The following KIAA0753 variants were observed in gnomAD, a reference collection of about 807,000 sequenced individuals.
The protein encoded by KIAA0753 is KIAA0753.
A neutral mutation model predicts 116.9 loss-of-function variants in KIAA0753; 114 were observed. The ratio of observed to expected loss-of-function variants is 0.98; its 90% confidence interval spans 0.84 to 1.14. KIAA0753 has a LOEUF of 1.14. Among genes scored for constraint, KIAA0753 ranks in the 50% most tolerant of loss-of-function variants. The pLI is 0.00. For synonymous variants in KIAA0753, 405 were observed against 413.1 expected (o/e 0.98, Z 0.24); for missense variants, 1,156 against 1,172.4 (o/e 0.99, Z 0.20).
intron 18 of KIAA0753, among the ~76,000 whole-genome samples, chr17:6,585,382 T>C (rs1305730921): frequency 6.6e-6 from 1 of 152,204 alleles, no homozygotes; most frequent in Non-Finnish European, 1.5e-5. Context: ...CACTCACAAG[T>C]AGACAACTGA....
intron 18 of KIAA0753, among the ~76,000 whole-genome samples, chr17:6,580,704 G>C (rs1038107283): frequency 7.9e-5 from 12 of 152,166 alleles, no homozygotes; most frequent in African/African-American, 2.7e-4. Flanking sequence ...AGTCCTGCTA[G>C]AGGGACAGGC....
At chr17:6,636,350 G>C (rs938029546) in intron 1 of KIAA0753, 4 of 152,104 alleles carry the variant, frequency 2.6e-5, no homozygotes, top group Admixed American at 1.3e-4. Flanking sequence ...CAGAATGAAG[G>C]CTGCAGAAAT....
intron 17 of KIAA0753, 129 bp from the exon 18 acceptor site, chr17:6,590,132 G>C (rs990735365): frequency 5.2e-6 from 4 of 767,662 alleles, no homozygotes; most frequent in Non-Finnish European, 8.2e-6. Context: ...GAACAAAACT[G>C]AACAACCTAA....
At chr17:6,584,521 A>C (rs1218423358) in intron 18 of KIAA0753, among the ~76,000 whole-genome samples, 1 of 152,190 alleles carries the variant, frequency 6.6e-6, no homozygotes, top group Non-Finnish European at 1.5e-5. Flanking sequence ...CTTCTGCTAC[A>C]TTCCAACACA....
rs748738945 is a variant in KIAA0753, at chr17:6,622,956, A to T, written c.1030T>A (p.Ser344Thr). ...GCATCCAGCTTGACAGAACAAAGTGAAAGCTGGCGAATAAGGCTGCCCAGT... is the reference window on the plus strand; with the variant it reads ...GCATCCAGCTTGACAGAACAAAGTGTAAGCTGGCGAATAAGGCTGCCCAGT... ...KELGSLIRQLSLCSVKLDADP... is the reference protein window; with the variant it reads ...KELGSLIRQLTLCSVKLDADP... The change falls in exon 6 of 19, where the codon TCA becomes ACA. Residue 344 changes from serine (S) to threonine (T), a missense_variant. Physicochemically the swap from Ser to Thr is moderately conservative, Grantham distance 58. Transcript: ENST00000361413. 6.2e-7 allele frequency: 1 copy of T among 1,614,208 alleles called. No homozygotes were observed. Among genetic ancestry groups the T allele is most frequent in the Admixed American group, 1.7e-5 (1 of 60,032 alleles).
chr17:6,582,783 C>T (rs1189671898), intron 18 of KIAA0753, among the ~76,000 whole-genome samples: 3 of 152,206 alleles, frequency 2.0e-5, no homozygotes, highest in Non-Finnish European at 4.4e-5. Flanking sequence ...CCCTGGATTA[C>T]AACAAGTATC....
chr17:6,610,966 T>C (rs1970502292), intron 8 of KIAA0753, among the ~76,000 whole-genome samples: 1 of 152,176 alleles, frequency 6.6e-6, no homozygotes, highest in African/African-American at 2.4e-5. Flanking sequence ...ACAGACTTGA[T>C]CCTAATCCAT....
In KIAA0753 at chr17:6,612,100, C is replaced by T. The variant is rs2150840244; in HGVS notation, c.1364G>A (p.Ser455Asn). The T allele has an allele frequency of 1.2e-6, 2 of 1,614,190 alleles. No individual in the cohort carries two copies. The highest frequency in any genetic ancestry group is 1.3e-5 in the African/African-American group (1 of 75,074). ...ATCCGCATCTAATACATCAAGCTCA[C>T]TCTGCAACCTCTGGGTCTCCGGAAG... ...TELPETQRLQSELDVLDADIV... is the reference protein window; with the variant it reads ...TELPETQRLQNELDVLDADIV... Residue 455 changes from serine to asparagine, a missense_variant, in exon 8 of 19, where the codon AGT (serine) becomes AAT (asparagine). By Grantham distance (46) the Ser-to-Asn change is conservative. Coordinates refer to ENST00000361413, the MANE Select transcript of KIAA0753 (RefSeq NM_014804.3).
Position 6,589,836 on chromosome 17 carries a change from A to T in KIAA0753, c.2729T>A (p.Leu910His). ...TACAGCCTCATGAGATATGATCCGA[A>T]GGTACTGCTCAAAACGACTACAGTA... ...GDYCSRFEQY[L>H]RIISHEAVGS... The change falls in exon 18 of 19, where the codon CTT (leucine) becomes CAT (histidine). Residue 910 changes from leucine to histidine, a missense_variant. By Grantham distance (99) the Leu-to-His change is moderately conservative. Transcript: ENST00000361413. The T allele has an allele frequency of 6.2e-7, 1 of 1,614,064 alleles. No individual in the cohort carries two copies. The highest frequency in any genetic ancestry group is 8.5e-7 in the Non-Finnish European group (1 of 1,179,966).
At chr17:6,580,109 C>T (rs1367054817) in intron 18 of KIAA0753, among the ~76,000 whole-genome samples, 1 of 151,798 alleles carries the variant, frequency 6.6e-6, no homozygotes, top group African/African-American at 2.4e-5. Flanking sequence ...TCGCTTGAAC[C>T]TGGGAGGTGG....
chr17:6,607,734 C>T (rs1160227594), intron 10 of KIAA0753, among the ~76,000 whole-genome samples: 2 of 152,188 alleles, frequency 1.3e-5, no homozygotes, highest in Non-Finnish European at 2.9e-5. Flanking sequence ...TAATGGACCG[C>T]TTTCATTTTT....
chr17:6,612,141 A>C lies in KIAA0753; in HGVS notation c.1323T>G (p.Tyr441Ter). 1 of 1,600,962 alleles carries C rather than the reference A, an allele frequency of 6.2e-7. No individual in the cohort carries two copies. Among genetic ancestry groups the C allele is most frequent in the Non-Finnish European group, 8.5e-7 (1 of 1,175,532 alleles). ...SVAKQLLADK[Y>*]QPDTELPETQ... is the part of the protein sequence containing the mutation. ...TCTCCGGAAGCTCCGTATCGGGCTG[A>C]TACTTATCTACATGGAAATTTTTGA... Residue 441 changes from tyrosine to a stop codon, truncating the protein, a stop_gained, in exon 8 of 19, where the codon TAT becomes TAG. Transcript: ENST00000361413. LOFTEE classifies it high-confidence loss of function.
chr17:6,631,128 GA>G (rs926192142), intron 2 of KIAA0753, among the ~76,000 whole-genome samples: 9 of 150,940 alleles, frequency 6.0e-5, no homozygotes, highest in African/African-American at 1.9e-4. Flanking sequence ...GGAAAGGAAG[GA>G]AAAAAAAATC....
chr17:6,587,303 T>C (rs1968651552), intron 18 of KIAA0753, among the ~76,000 whole-genome samples: 1 of 152,134 alleles, frequency 6.6e-6, no homozygotes, highest in East Asian at 1.9e-4. Context: ...TCATATGCAC[T>C]GTCACTTGGG....
At chr17:6,597,730 G>A (rs1440743388) in intron 14 of KIAA0753, among the ~76,000 whole-genome samples, 2 of 152,186 alleles carry the variant, frequency 1.3e-5, no homozygotes, top group Non-Finnish European at 2.9e-5. Context: ...TGATATGAGA[G>A]ATAATCTTGC....
Position 6,612,089 on chromosome 17 carries a change from C to A in KIAA0753, c.1375G>T (p.Val459Leu). The part of the protein sequence containing the change: ...ETQRLQSELD[V>L]LDADIVLEEG... ...TCCAGAACTATATCCGCATCTAATA[C>A]ATCAAGCTCACTCTGCAACCTCTGG... Residue 459 changes from valine (V) to leucine (L), a missense_variant, in exon 8 of 19, where the codon GTA becomes TTA. By Grantham distance (32) the Val-to-Leu change is conservative. Coordinates refer to ENST00000361413, the MANE Select transcript of KIAA0753 (RefSeq NM_014804.3). 6.2e-7 allele frequency: 1 copy of A among 1,614,192 alleles called. No homozygotes were observed. The highest frequency in any genetic ancestry group is 8.5e-7 in the Non-Finnish European group (1 of 1,180,002).
At chr17:6,598,101 T>A (rs1485443033) in intron 14 of KIAA0753, among the ~76,000 whole-genome samples, 1 of 152,218 alleles carries the variant, frequency 6.6e-6, no homozygotes, top group Non-Finnish European at 1.5e-5. Flanking sequence ...AGGCTGATCA[T>A]TCCTAGTATA....
intron 7 of KIAA0753, among the ~76,000 whole-genome samples, chr17:6,616,889 G>GA (rs910609830): frequency 2.0e-5 from 3 of 152,188 alleles, no homozygotes; most frequent in African/African-American, 7.2e-5. Context: ...ACTGGCAGAG[G>GA]TGGGACTAAA....
rs1026467394 is a variant in KIAA0753 at position 6,623,757 on chromosome 17, A to G, written c.826-186T>C. On this transcript the variant is annotated intron_variant, in intron 4 of 18. Transcript: ENST00000361413. The stretch of plus-strand genomic sequence containing the variant: ...CAGTTACTGGTTTCCAGTTCAAGAT[A>G]GTGAATAGGCAGTGTTCACCTTCCA... The G allele has an allele frequency of 1.8e-5, 13 of 722,578 alleles. No homozygotes were observed. The African/African-American group carries it at 2.2e-4, about 12-fold the overall frequency. 44.8% of individuals were successfully genotyped at this position (722,578 alleles called of 1,614,324 possible).
Sources: allele counts gnomAD v4.1 joint callset (sites outside exome capture counted in the v4.1 genomes callset), GRCh38; gene constraint gnomAD v4.1.1; transcripts MANE v1.5; gene names NCBI Gene and HGNC (gene_info 2026-07-23, HGNC 2026-07-21).